Variants in WDFY3 observed in about 807,000 individuals in gnomAD.
WDFY3 encodes WD repeat and FYVE domain containing 3, also known as WD repeat and FYVE domain-containing protein 3.
WDFY3 carries 66 observed loss-of-function variants against 409.6 expected under a neutral mutation model. That is an observed-to-expected ratio of 0.16 (90% CI 0.13 to 0.20). The LOEUF (loss-of-function observed/expected upper bound fraction) is 0.20. Ranked by LOEUF, WDFY3 falls within the 10% of genes least tolerant of loss-of-function variation. The probability of loss-of-function intolerance (pLI) is 1.00; values close to 1 mark genes in which losing one functional copy is unlikely to be tolerated. For synonymous variants in WDFY3, 1,521 were observed against 1,537.1 expected (o/e 0.99, Z 0.25); for missense variants, 3,031 against 4,298.1 (o/e 0.71, Z 8.24).
chr4:84,701,773 C>T (rs1358755295), intron 56 of WDFY3, among the ~76,000 whole-genome samples: 1 of 152,034 alleles, frequency 6.6e-6, no homozygotes, highest in Non-Finnish European at 1.5e-5. Context: ...AAATAGAGTC[C>T]TTACAGGATA....
chr4:84,838,860 C>CT (rs1262207424), intron 6 of WDFY3, among the ~76,000 whole-genome samples: 2 of 152,152 alleles, frequency 1.3e-5, no homozygotes, highest in Non-Finnish European at 2.9e-5. Context: ...TTCAATAGCA[C>CT]TATATATGCC....
At chr4:84,715,829 T>G (rs1050039457) in intron 49 of WDFY3, among the ~76,000 whole-genome samples, 2 of 147,616 alleles carry the variant, frequency 1.4e-5, no homozygotes, top group Admixed American at 1.4e-4. Flanking sequence ...TTTAGAGTCA[T>G]GAATTCCCTG....
At position 84,702,630 on chromosome 4, in the gene WDFY3, T is replaced by A. The variant is rs1044201838; in HGVS notation, c.8443-124A>T. 3.9e-6 allele frequency: 3 copies of A among 769,616 alleles called. No homozygotes were observed. The African/African-American group carries it at 5.3e-5, about 14-fold the overall frequency. 47.7% of individuals were successfully genotyped at this position (769,616 alleles called of 1,614,324 possible). On this transcript the variant is annotated intron_variant, in intron 55 of 67. Coordinates refer to ENST00000295888, the MANE Select transcript of WDFY3 (RefSeq NM_014991.6). Reference sequence around the variant, plus strand: ...CATTTCAATTTCCCATTATCCTACATTAAATACGCACAAATTTTTAATAAA... The same window carrying A: ...CATTTCAATTTCCCATTATCCTACAATAAATACGCACAAATTTTTAATAAA...
intron 32 of WDFY3, among the ~76,000 whole-genome samples, chr4:84,758,485 T>TGATGCTCCCG (rs1356732008): frequency 6.6e-6 from 1 of 152,174 alleles, no homozygotes; most frequent in Non-Finnish European, 1.5e-5. Context: ...TAGTGTCAAA[T>TGATGCTCCCG]GATGCTCCCG....
At chr4:84,738,484 C>T (rs1737844099) in intron 40 of WDFY3, among the ~76,000 whole-genome samples, 1 of 151,844 alleles carries the variant, frequency 6.6e-6, no homozygotes, top group African/African-American at 2.4e-5. Flanking sequence ...CACCTGTAGT[C>T]CCAGCTATTT....
chr4:84,752,237 G>C (rs1172496202), intron 35 of WDFY3, among the ~76,000 whole-genome samples: 1 of 152,126 alleles, frequency 6.6e-6, no homozygotes, highest in East Asian at 1.9e-4. Flanking sequence ...CTGATGGCCA[G>C]GCACAGTGGC....
In WDFY3 at chr4:84,855,761, T is replaced by C. The variant is rs185941634; in HGVS notation, c.180+4651A>G. 8.5e-4 allele frequency among the ~76,000 whole-genome samples: 130 copies of C among 152,322 alleles called. No homozygotes were observed. In the East Asian group the frequency reaches 0.014, roughly 16 times the overall value. On this transcript the variant is annotated intron_variant, in intron 4 of 67. Transcript: ENST00000295888. The stretch of plus-strand genomic sequence containing the variant: ...GAAGATGTAATTGCATTATTTCGTA[T>C]GGTAAATCAGTTAAGATTTCTTATC...
chr4:84,710,813 C>T (rs553163698), intron 51 of WDFY3, among the ~76,000 whole-genome samples: 7 of 152,134 alleles, frequency 4.6e-5, no homozygotes, highest in South Asian at 2.1e-4. Context: ...AGTAGCAATT[C>T]GCTTACAAGT....
intron 3 of WDFY3, among the ~76,000 whole-genome samples, chr4:84,886,713 A>G (rs1423665415): frequency 6.6e-6 from 1 of 152,200 alleles, no homozygotes; most frequent in Non-Finnish European, 1.5e-5. Flanking sequence ...ATTAGATATT[A>G]AATAAATTGC....
intron 36 of WDFY3, among the ~76,000 whole-genome samples, chr4:84,744,008 T>C (rs1341336266): frequency 6.6e-6 from 1 of 150,454 alleles, no homozygotes. Context: ...AAAGCAAAGG[T>C]GAAACATCAT....
intron 15 of WDFY3, among the ~76,000 whole-genome samples, chr4:84,806,637 C>T (rs1167838627): frequency 2.6e-5 from 4 of 152,150 alleles, no homozygotes; most frequent in Admixed American, 2.6e-4. Context: ...AATGGAGTCT[C>T]GCTCTGTAGT....
In WDFY3 at chr4:84,944,977, A is replaced by G. The variant is rs537552578; in HGVS notation, c.-225-12614T>C. On this transcript the variant is annotated intron_variant, in intron 1 of 67. Coordinates refer to ENST00000295888, the MANE Select transcript of WDFY3 (RefSeq NM_014991.6). ...GATCAATGGCCTTGAAAAGATCAAA[A>G]GATAAAAAAGAGGGAGATTCTCAGA... Among the ~76,000 whole-genome samples the G allele has an allele frequency of 1.1e-3, 171 of 152,236 alleles. 2 individuals carry two copies. The highest frequency in any genetic ancestry group is 3.9e-3 in the African/African-American group (160 of 41,526).
At chr4:84,680,619 TG>T (rs1170464059) in intron 64 of WDFY3, among the ~76,000 whole-genome samples, 5 of 152,250 alleles carry the variant, frequency 3.3e-5, no homozygotes, top group African/African-American at 1.2e-4. Flanking sequence ...CCTCCATTTC[TG>T]TGGGTTCCAC....
Position 84,716,778 on chromosome 4 carries a change from G to A in WDFY3, c.7875+118C>T, listed in dbSNP as rs186664919. Reference sequence around the variant, plus strand: ...CATGCCACTGCACTCCAGCCTGGGCGACAGAGTGAGACTCTGTCTCAAAAA... The same window carrying A: ...CATGCCACTGCACTCCAGCCTGGGCAACAGAGTGAGACTCTGTCTCAAAAA... On this transcript the variant is annotated intron_variant, in intron 49 of 67. Coordinates refer to ENST00000295888, the MANE Select transcript of WDFY3 (RefSeq NM_014991.6). 1,936 of 864,594 alleles carry A rather than the reference G, an allele frequency of 2.2e-3. 2 individuals carry two copies. Among genetic ancestry groups the A allele is most frequent in the Non-Finnish European group, 2.6e-3 (1,801 of 690,426 alleles). 53.6% of individuals were successfully genotyped at this position (864,594 alleles called of 1,614,324 possible). A position where few individuals can be genotyped will look rare whatever the true frequency, so the allele number is the denominator to read the frequency against.
At chr4:84,875,275 C>A (rs1041163160) in intron 3 of WDFY3, among the ~76,000 whole-genome samples, 1 of 150,230 alleles carries the variant, frequency 6.7e-6, no homozygotes, top group Admixed American at 6.6e-5. Flanking sequence ...CACACACACA[C>A]ACACACACAC....
chr4:84,850,884 T>A (rs1758821369), intron 4 of WDFY3, among the ~76,000 whole-genome samples: 1 of 147,352 alleles, frequency 6.8e-6, no homozygotes, highest in African/African-American at 2.5e-5. Flanking sequence ...TTAAAATAAA[T>A]GAGCTTTAGA....
intron 7 of WDFY3, 118 bp from the exon 8 acceptor site, chr4:84,831,723 C>G (rs1755766965): frequency 1.2e-6 from 1 of 842,648 alleles, no homozygotes; most frequent in African/African-American, 1.7e-5. Flanking sequence ...AAATGGCCAA[C>G]AGGTATATGA....
At chr4:84,957,258 C>CAAAAAAAAAAAAAAAAAAAAAACA in intron 1 of WDFY3, among the ~76,000 whole-genome samples, 1 of 59,366 alleles carries the variant, frequency 1.7e-5, no homozygotes, top group Non-Finnish European at 3.6e-5. Flanking sequence ...TTTCATATAC[C>CAAAAAAAAAAAAAAAAAAAAAACA]AAAAAAAAAA....
chr4:84,826,216 T>A (rs1461282360), intron 10 of WDFY3, among the ~76,000 whole-genome samples: 15 of 152,226 alleles, frequency 9.9e-5, no homozygotes, highest in Admixed American at 9.8e-4. Flanking sequence ...ATGTACAGAC[T>A]TTTTTCCTTG....
Sources: allele counts gnomAD v4.1 joint callset (sites outside exome capture counted in the v4.1 genomes callset), GRCh38; gene constraint gnomAD v4.1.1; transcripts MANE v1.5; gene names NCBI Gene and HGNC (gene_info 2026-07-23, HGNC 2026-07-21).